Variants in SETD5 observed in about 807,000 individuals in gnomAD.
SETD5 encodes histone-lysine N-methyltransferase SETD5.
A neutral mutation model predicts 153.3 loss-of-function variants in SETD5; 44 were observed. That is an observed-to-expected ratio of 0.29 (90% CI 0.23 to 0.37). The LOEUF (loss-of-function observed/expected upper bound fraction) is 0.37, where lower values mean the gene tolerates loss of function less well. Ranked by LOEUF, SETD5 falls within the 10% of genes least tolerant of loss-of-function variation. The pLI is 1.00. For synonymous variants in SETD5, 716 were observed against 645.2 expected (o/e 1.11, Z -1.66); for missense variants, 1,544 against 1,768.0 (o/e 0.87, Z 2.27).
In SETD5 at chr3:9,434,674, C is replaced by T; in HGVS notation, c.330-150C>T. The T allele has an allele frequency of 2.0e-6, 3 of 1,464,358 alleles. No homozygotes were observed. The highest frequency in any genetic ancestry group is 2.7e-6 in the Non-Finnish European group (3 of 1,107,842). 90.7% of individuals were successfully genotyped at this position (1,464,358 alleles called of 1,614,324 possible). Reference sequence around the variant, plus strand: ...AAGGAATGAGAGATTGATGTTAAAGCTATTGAATTTGATATGAAATTTAAT... The same window carrying T: ...AAGGAATGAGAGATTGATGTTAAAGTTATTGAATTTGATATGAAATTTAAT... On this transcript the variant is annotated intron_variant, in intron 5 of 22. Coordinates refer to ENST00000402198, the MANE Select transcript of SETD5 (RefSeq NM_001080517.3). This position sits in a 1 kb window ranked among gnomAD's most constrained non-coding sequence, Gnocchi z 5.6.
chr3:9,447,415 C>T (rs2042142803), intron 14 of SETD5, 108 bp downstream of exon 14: 15 of 1,433,542 alleles, frequency 1.0e-5, no homozygotes, highest in African/African-American at 1.4e-5. Context: ...CTCCATATCA[C>T]AATAAATAAG....
Position 9,429,808 on chromosome 3 carries a change from C to G in SETD5, c.71+799C>G, listed in dbSNP as rs761387361. 127 of 1,300,612 alleles carry G rather than the reference C, an allele frequency of 9.8e-5. 1 individual carries two copies. Among genetic ancestry groups the G allele is most frequent in the Middle Eastern group, 6.4e-4 (3 of 4,710 alleles). The allele number at this position is 1,300,612 out of a possible 1,614,324, so 80.6% of individuals were successfully genotyped here. On this transcript the variant is annotated intron_variant, in intron 3 of 22. Coordinates refer to ENST00000402198, the MANE Select transcript of SETD5 (RefSeq NM_001080517.3). Reference sequence around the variant, plus strand: ...CTTGTCCTTTTACCTCCCTTGTACCCAATCTTCCTTGCTTACAGAAAGGAA... The same window carrying G: ...CTTGTCCTTTTACCTCCCTTGTACCGAATCTTCCTTGCTTACAGAAAGGAA...
intron 1 of SETD5, among the ~76,000 whole-genome samples, chr3:9,404,269 G>T (rs1016751281): frequency 6.6e-6 from 1 of 152,064 alleles, no homozygotes; most frequent in African/African-American, 2.4e-5. Context: ...ACTGCCTTTC[G>T]TACACGTAAT....
intron 13 of SETD5, among the ~76,000 whole-genome samples, chr3:9,446,518 G>A (rs1369548347): frequency 3.4e-5 from 5 of 149,240 alleles, no homozygotes; most frequent in African/African-American, 4.9e-5. Flanking sequence ...TTTTGAGACC[G>A]ACTCTTGCTC....
chr3:9,474,697 A>C, intron 21 of SETD5, 115 bp downstream of exon 21: 1 of 1,413,786 alleles, frequency 7.1e-7, no homozygotes, highest in Non-Finnish European at 9.6e-7. Context: ...GTTGGGCTCC[A>C]CCGCATGCTA....
chr3:9,443,028 A>AAAAAAAGATACAGCCTGAGC (rs2041498784), intron 10 of SETD5: 8 of 317,614 alleles, frequency 2.5e-5, no homozygotes, highest in South Asian at 2.1e-4. Flanking sequence ...CGACAGAGCA[A>AAAAAAAGATACAGCCTGAGC]GACTGTATCT....
chr3:9,413,715 G>T (rs901517631), intron 1 of SETD5, among the ~76,000 whole-genome samples: 9 of 149,846 alleles, frequency 6.0e-5, no homozygotes, highest in Non-Finnish European at 1.0e-4. Flanking sequence ...AAGTTAATTG[G>T]CCTCTTCCAG....
Position 9,477,425 on chromosome 3 carries a change from G to A in SETD5, c.*1334G>A, listed in dbSNP as rs2045912427. On this transcript the variant is annotated 3_prime_UTR_variant, in exon 23 of 23. Coordinates refer to ENST00000402198, the MANE Select transcript of SETD5 (RefSeq NM_001080517.3). ...TTGTATTCAGTTATAACCATGGTAG[G>A]GGTAGTGAATATATGACAGGTGTAA... 1 of 152,606 alleles carries A rather than the reference G, an allele frequency of 6.6e-6. No homozygotes were observed. The highest frequency in any genetic ancestry group is 6.5e-5 in the Admixed American group (1 of 15,270). The allele number at this position is 152,606 out of a possible 1,614,324, so 9.5% of individuals were successfully genotyped here.
intron 17 of SETD5, among the ~76,000 whole-genome samples, chr3:9,454,413 G>A (rs2042969190): frequency 6.6e-6 from 1 of 152,026 alleles, no homozygotes; most frequent in Admixed American, 6.6e-5. Flanking sequence ...GAGGTCAGGA[G>A]TTCGAGACCA....
chr3:9,458,131 A>G (rs1248794303), intron 17 of SETD5, among the ~76,000 whole-genome samples: 2 of 152,126 alleles, frequency 1.3e-5, no homozygotes, highest in East Asian at 3.9e-4. Context: ...TTGAAAAAGA[A>G]TTAGAATCTA....
chr3:9,430,855 T>C, intron 3 of SETD5: 1 of 985,428 alleles, frequency 1.0e-6, no homozygotes, highest in South Asian at 4.7e-5. Flanking sequence ...CTGTCTCTGT[T>C]AACACCAACA....
At chr3:9,445,806 C>T in intron 13 of SETD5, 66 bp downstream of exon 13, 4 of 1,169,722 alleles carry the variant, frequency 3.4e-6, no homozygotes, top group Non-Finnish European at 4.8e-6. Context: ...TGAACCTCTT[C>T]TGTTCTCTTG....
At position 9,440,623 on chromosome 3, in the gene SETD5, C is replaced by A. The variant is rs1439420099; in HGVS notation, c.735C>A (p.Gly245=). 1 of 1,613,906 alleles carries A rather than the reference C, an allele frequency of 6.2e-7. No homozygotes were observed. Reference sequence around the variant, plus strand: ...TACATTCTAGCAAGGAATTTGTGGGCAAACCTACTATTTTAGACACTATTA... The same window carrying A: ...TACATTCTAGCAAGGAATTTGTGGGAAAACCTACTATTTTAGACACTATTA... ...QHLHSSKEFV[G]KPTILDTINK... Residue 245 remains glycine (G), a synonymous_variant, in exon 8 of 23, where the codon GGC becomes GGA. Transcript: ENST00000402198.
intron 1 of SETD5, among the ~76,000 whole-genome samples, chr3:9,411,146 A>G (rs534281144): frequency 6.6e-6 from 1 of 152,170 alleles, no homozygotes; most frequent in African/African-American, 2.4e-5. Flanking sequence ...CACCTGGCCA[A>G]AATTCTCTCT....
rs2042119691 is a variant in SETD5 at position 9,447,181 on chromosome 3, T to C, written c.1656T>C (p.Thr552=). ...AGATTACTACAACCACCTCAGAGAC[T>C]CCTGTTGGTGAAGAGACAAAAACTG... The part of the protein sequence containing the change: ...DVEITTTTSE[T]PVGEETKTEA... The change falls in exon 14 of 23, where the codon ACT becomes ACC. Residue 552 remains threonine (T), a synonymous_variant. Coordinates refer to ENST00000402198, the MANE Select transcript of SETD5 (RefSeq NM_001080517.3). The C allele has an allele frequency of 6.2e-7, 1 of 1,613,986 alleles. No homozygotes were observed. Among genetic ancestry groups the C allele is most frequent in the Non-Finnish European group, 8.5e-7 (1 of 1,179,888 alleles).
chr3:9,452,659 ATTTTTTTT>A (rs1164278885), intron 16 of SETD5, among the ~76,000 whole-genome samples: 2 of 59,812 alleles, frequency 3.3e-5, no homozygotes, highest in East Asian at 4.2e-4. Context: ...ATGATGTAAG[ATTTTTTTT>A]TTTTTTTTTT....
intron 3 of SETD5, chr3:9,432,407 T>G (rs1433673924): frequency 2.6e-6 from 1 of 389,638 alleles, no homozygotes; most frequent in African/African-American, 2.2e-5. Context: ...GCACACTTAT[T>G]CCTGCTGTAC....
intron 1 of SETD5, among the ~76,000 whole-genome samples, chr3:9,399,244 G>T (rs2034321451): frequency 6.6e-6 from 1 of 152,198 alleles, no homozygotes; most frequent in African/African-American, 2.4e-5. Context: ...GGAGTGTGCT[G>T]AGCTTTTTAG....
At chr3:9,465,777 T>C (rs1032910386) in intron 18 of SETD5, among the ~76,000 whole-genome samples, 3 of 152,220 alleles carry the variant, frequency 2.0e-5, no homozygotes, top group African/African-American at 7.2e-5. Context: ...AATTACTCTT[T>C]ACCAGATTAT....
Sources: gnomAD v4.1 joint callset for allele counts (sites outside exome capture counted in the v4.1 genomes callset) on GRCh38, gnomAD v4.1.1 for gene constraint, Gnocchi (gnomAD v3.1) non-coding constraint, MANE v1.5 for transcripts, NCBI Gene and HGNC (gene_info 2026-07-23, HGNC 2026-07-21) for gene names.